MYOF: variants seen among roughly 807,000 people sequenced by gnomAD.
MYOF encodes myoferlin.
MYOF carries 244 observed loss-of-function variants against 284.2 expected under a neutral mutation model. The ratio of observed to expected loss-of-function variants is 0.86; its 90% CI spans 0.77 to 0.95. The LOEUF (loss-of-function observed/expected upper bound fraction) is 0.95, where lower values mean the gene tolerates loss of function less well. Among genes scored for constraint, MYOF ranks in the 40% least tolerant of loss-of-function variants. MYOF has a pLI of 0.00. For missense variants in MYOF, 2,496 were observed against 2,560.6 expected, an observed-to-expected ratio of 0.97 and a Z score of 0.54; for synonymous variants, 904 against 919.7, an observed-to-expected ratio of 0.98 and a Z score of 0.31.
chr10:93,382,766 G>A (rs1846183125), intron 19 of MYOF, among the ~76,000 whole-genome samples: 2 of 152,220 alleles, frequency 1.3e-5, no homozygotes, highest in South Asian at 4.1e-4. Flanking sequence ...CAATGGTTTA[G>A]GTTGCTGTGT....
rs1847330292 is a variant in MYOF, at chr10:93,402,240, C to T, written c.982G>A (p.Glu328Lys). ...VSMFVLGTGD[E>K]PPPERRDRDN... Reference sequence around the variant, plus strand: ...AGAATGTAGGGACTCACAGGAGGCTCATCTCCGGTTCCCAGGACAAACATG... The same window carrying T: ...AGAATGTAGGGACTCACAGGAGGCTTATCTCCGGTTCCCAGGACAAACATG... Residue 328 changes from glutamate to lysine, a missense_variant, in exon 11 of 54, where the codon GAG becomes AAG. By Grantham distance (56) the Glu-to-Lys change is moderately conservative (BLOSUM62 1). Around this residue, in one of 3 missense-constraint regions of MYOF, gnomAD observed 2,436 missense variants for 2,480.7 expected, o/e 0.98. Transcript: ENST00000359263. 6.2e-7 allele frequency: 1 copy of T among 1,613,540 alleles called. No individual in the cohort carries two copies. Among genetic ancestry groups the T allele is most frequent in the Non-Finnish European group, 8.5e-7 (1 of 1,179,512 alleles).
chr10:93,377,725 T>G (rs1047007744), intron 21 of MYOF, among the ~76,000 whole-genome samples: 1 of 152,016 alleles, frequency 6.6e-6, no homozygotes, highest in Non-Finnish European at 1.5e-5. Flanking sequence ...AAAAAACCCA[T>G]AAACATATTG....
chr10:93,399,468 T>C lies in MYOF; in HGVS notation c.1145A>G (p.Lys382Arg). ...ATCTGCATTGCCTCCAAATATTTCC[T>C]TTACTGTCTGTGAGAAGGCATCATC... is the stretch of plus-strand genomic sequence containing the variant. ...QMDDAFSQTVKEIFGGNADKK... is the reference protein window; with the variant it reads ...QMDDAFSQTVREIFGGNADKK... The change falls in exon 13 of 54, where the codon AAG becomes AGG. Residue 382 changes from lysine (K) to arginine (R), a missense_variant. This residue lies in a region of MYOF where 2,436 missense variants were observed against 2,480.7 expected (regional missense o/e 0.98). Coordinates refer to ENST00000359263, the MANE Select transcript of MYOF (RefSeq NM_013451.4). 6.2e-7 allele frequency: 1 copy of C among 1,613,356 alleles called. No individual in the cohort carries two copies. Among genetic ancestry groups the C allele is most frequent in the South Asian group, 1.1e-5 (1 of 91,038 alleles).
At chr10:93,308,964 G>A (rs1349545175) in intron 53 of MYOF, among the ~76,000 whole-genome samples, 1 of 152,020 alleles carries the variant, frequency 6.6e-6, no homozygotes, top group East Asian at 1.9e-4. Context: ...CACCCGCCTC[G>A]GCCTCCCAAA....
chr10:93,398,804 C>A (rs1847141712), intron 13 of MYOF, among the ~76,000 whole-genome samples: 1 of 152,158 alleles, frequency 6.6e-6, no homozygotes, highest in African/African-American at 2.4e-5. Flanking sequence ...CTATAACTGT[C>A]CATGATGTGC....
At position 93,347,692 on chromosome 10, in the gene MYOF, A is replaced by G. The variant is rs774710330; in HGVS notation, c.4174T>C (p.Cys1392Arg). 1.2e-6 allele frequency: 2 copies of G among 1,613,976 alleles called. No homozygotes were observed. The highest frequency in any genetic ancestry group is 1.3e-5 in the African/African-American group (1 of 74,894). The change falls in exon 37 of 54, where the codon TGC becomes CGC. Residue 1392 changes from cysteine (C) to arginine (R), a missense_variant. By Grantham distance (180) the Cys-to-Arg change is radical. Around this residue, in one of 3 missense-constraint regions of MYOF, gnomAD observed 2,436 missense variants for 2,480.7 expected, o/e 0.98. Coordinates refer to ENST00000359263, the MANE Select transcript of MYOF (RefSeq NM_013451.4). ...QFGRKPVVGQCTIERLDRFRC... is the reference protein window; with the variant it reads ...QFGRKPVVGQRTIERLDRFRC... ...AAGCGGTCCAGGCGCTCGATGGTGC[A>G]CTGGCCGACGACAGGCTTCCGCCCA...
At chr10:93,459,797 G>A (rs566938145) in intron 1 of MYOF, among the ~76,000 whole-genome samples, 169 of 152,282 alleles carry the variant, frequency 1.1e-3, no homozygotes, top group African/African-American at 4.0e-3. Flanking sequence ...AGAGCTCATT[G>A]TTCTCATCAG....
rs772719539 is a variant in MYOF, at chr10:93,349,799, A to G, written c.4083+9T>C. Reference sequence around the variant, plus strand: ...GCGCATGGGTGATCACAGAGAATCGATACTGTACCACTTTCATGAAGAGAA... The same window carrying G: ...GCGCATGGGTGATCACAGAGAATCGGTACTGTACCACTTTCATGAAGAGAA... On this transcript the variant is annotated intron_variant, in intron 36 of 53. Transcript: ENST00000359263. The G allele has an allele frequency of 6.2e-7, 1 of 1,613,988 alleles. No homozygotes were observed. The highest frequency in any genetic ancestry group is 8.5e-7 in the Non-Finnish European group (1 of 1,179,930).
intron 6 of MYOF, 97 bp from the exon 7 acceptor site, chr10:93,409,012 T>A: frequency 6.4e-7 from 1 of 1,554,940 alleles, no homozygotes; most frequent in Non-Finnish European, 8.7e-7. Context: ...CTATTAGGAT[T>A]GCTAACACCA....
At chr10:93,481,885 C>T (rs1296988359) in intron 1 of MYOF, among the ~76,000 whole-genome samples, 1 of 152,160 alleles carries the variant, frequency 6.6e-6, no homozygotes, top group African/African-American at 2.4e-5. Context: ...AAATCACACT[C>T]TTAGAGCTAA....
At chr10:93,450,742 C>A (rs1215859733) in intron 3 of MYOF, among the ~76,000 whole-genome samples, 2 of 152,118 alleles carry the variant, frequency 1.3e-5, no homozygotes, top group Admixed American at 1.3e-4. Flanking sequence ...CTCACTGCAG[C>A]CTTCAGATTA....
chr10:93,369,618 A>G, intron 25 of MYOF, 27 bp downstream of exon 25: 1 of 1,613,138 alleles, frequency 6.2e-7, no homozygotes, highest in South Asian at 1.1e-5. Flanking sequence ...ACCAAAGAAG[A>G]AAAGATAGTG....
chr10:93,405,012 T>C (rs889297212), intron 7 of MYOF, among the ~76,000 whole-genome samples: 1 of 152,220 alleles, frequency 6.6e-6, no homozygotes, highest in Non-Finnish European at 1.5e-5. Context: ...CCTCCAACTT[T>C]TTACTTAGGA....
At chr10:93,323,864 A>G (rs1042404512) in intron 46 of MYOF, among the ~76,000 whole-genome samples, 5 of 152,256 alleles carry the variant, frequency 3.3e-5, no homozygotes, top group Admixed American at 2.6e-4. Context: ...ACTTACCTCA[A>G]AATATAAAAT....
At position 93,467,965 on chromosome 10, in the gene MYOF, A is replaced by G. The variant is rs554818130; in HGVS notation, c.89-11028T>C. Among the ~76,000 whole-genome samples, 5 of 152,316 alleles carry G rather than the reference A, an allele frequency of 3.3e-5. No homozygotes were observed. The East Asian group carries it at 5.8e-4, about 18-fold the overall frequency. ...CTTGGTCTACTTACTCCAGCTCTTC[A>G]TATCTAGACTTCTTCATTAATAAAG... On this transcript the variant is annotated intron_variant, in intron 1 of 53. Coordinates refer to ENST00000359263, the MANE Select transcript of MYOF (RefSeq NM_013451.4).
intron 5 of MYOF, among the ~76,000 whole-genome samples, chr10:93,414,657 T>C (rs1848042582): frequency 6.6e-6 from 1 of 152,232 alleles, no homozygotes; most frequent in Admixed American, 6.5e-5. Flanking sequence ...AGGTTCCATA[T>C]AGACATGCAT....
rs59509598 is a variant in MYOF at position 93,339,013 on chromosome 10, C to CTTTTTT, written c.4339-1106_4339-1101dup. Among the ~76,000 whole-genome samples, 374 of 131,352 alleles carry CTTTTTT rather than the reference C, an allele frequency of 2.8e-3. 6 individuals are homozygous for CTTTTTT. Among genetic ancestry groups the CTTTTTT allele is most frequent in the African/African-American group, 0.01 (358 of 35,414 alleles). 86.2% of individuals were successfully genotyped at this position (131,352 alleles called of 152,430 possible). A position where few individuals can be genotyped will look rare whatever the true frequency, so the allele number is the denominator to read the frequency against. ...GAAGAAGGGACAAGAAAGGCTACCA[C>CTTTTTT]TTTTTTTTTTTTTTTTTTGAGACGG... is the stretch of plus-strand genomic sequence containing the variant. On this transcript the variant is annotated intron_variant, in intron 39 of 53. Coordinates refer to ENST00000359263, the MANE Select transcript of MYOF (RefSeq NM_013451.4).
intron 17 of MYOF, among the ~76,000 whole-genome samples, chr10:93,389,990 T>C (rs1013220279): frequency 6.6e-6 from 1 of 152,222 alleles, no homozygotes. Flanking sequence ...CAGAACTTTC[T>C]GTGAATTCGA....
At position 93,454,686 on chromosome 10, in the gene MYOF, G is replaced by A. The variant is rs569375131; in HGVS notation, c.144+2196C>T. On this transcript the variant is annotated intron_variant, in intron 2 of 53. Transcript: ENST00000359263. ...GAGACCTGCTGGGCGTTTCAGAAAGGCATTAAAAAGGCTGGGCAGAGTGGC... is the reference window on the plus strand; with the variant it reads ...GAGACCTGCTGGGCGTTTCAGAAAGACATTAAAAAGGCTGGGCAGAGTGGC... 1.4e-4 allele frequency among the ~76,000 whole-genome samples: 22 copies of A among 152,174 alleles called. No individual in the cohort carries two copies. The South Asian group carries it at 3.3e-3, about 23-fold the overall frequency.
Sources: gnomAD v4.1 joint callset for allele counts (sites outside exome capture counted in the v4.1 genomes callset) on GRCh38, gnomAD v4.1.1 for gene constraint, gnomAD v4.1.1 regional missense constraint, MANE v1.5 for transcripts, NCBI Gene and HGNC (gene_info 2026-07-23, HGNC 2026-07-21) for gene names.